The following ERAP1 variants were observed in gnomAD, a reference collection of about 807,000 sequenced individuals.
ERAP1 encodes endoplasmic reticulum aminopeptidase 1.
A neutral mutation model predicts 103.7 loss-of-function variants in ERAP1; 86 were observed. That is an observed-to-expected ratio of 0.83 (90% CI 0.70 to 0.99). The LOEUF (loss-of-function observed/expected upper bound fraction) is 0.99. ERAP1 is among the 50% of genes least tolerant of loss of function. The pLI, the probability that ERAP1 is intolerant of heterozygous loss-of-function variation, is 0.00. For missense variants in ERAP1, 1,009 were observed against 1,128.4 expected (o/e 0.89, Z 1.52); for synonymous variants, 398 against 402.4 (o/e 0.99, Z 0.13).
the ERAP1 span, chr5:96,915,645 C>A: frequency 1.7e-6 from 2 of 1,178,146 alleles, no homozygotes; most frequent in Non-Finnish European, 2.4e-6. Flanking sequence ...AACATAAGGT[C>A]AGTATTTCTA....
At chr5:96,798,228 G>A (rs1232972070) in intron 3 of ERAP1, among the ~76,000 whole-genome samples, 2 of 149,552 alleles carry the variant, frequency 1.3e-5, no homozygotes, top group East Asian at 3.9e-4. Flanking sequence ...GGGAGGCTGA[G>A]GCAGGAGAAT....
chr5:96,926,555 T>C, the ERAP1 span, among the ~76,000 whole-genome samples: 2 of 152,214 alleles, frequency 1.3e-5, no homozygotes, highest in African/African-American at 4.8e-5. Context: ...AATGGAATGA[T>C]ACAATACATT....
chr5:96,900,937 T>A, the ERAP1 span, among the ~76,000 whole-genome samples: 3 of 152,256 alleles, frequency 2.0e-5, no homozygotes, highest in East Asian at 5.8e-4. Context: ...AATGCTGGGA[T>A]TACAGGCATG....
chr5:96,888,674 T>G, the ERAP1 span, among the ~76,000 whole-genome samples: 1 of 152,360 alleles, frequency 6.6e-6, no homozygotes, highest in Non-Finnish European at 1.5e-5. Flanking sequence ...TTTTTTCTAC[T>G]TGATAGCTAA....
chr5:96,781,599 A>G, intron 16 of ERAP1, 94 bp downstream of exon 16: 2 of 1,528,966 alleles, frequency 1.3e-6, no homozygotes. Flanking sequence ...AGGATAGGCA[A>G]TTCCTGGCCA....
the ERAP1 span, chr5:96,934,083 T>A: frequency 6.6e-6 from 1 of 152,352 alleles, no homozygotes; most frequent in Non-Finnish European, 1.5e-5. Flanking sequence ...CACTATGTCC[T>A]TCACTTATTC....
chr5:96,783,455 C>CTATCT (rs11429353), intron 14 of ERAP1, among the ~76,000 whole-genome samples: 7 of 152,254 alleles, frequency 4.6e-5, no homozygotes, highest in Admixed American at 3.9e-4. Flanking sequence ...ATAAGATATC[C>CTATCT]ATCTACTTAA....
At chr5:96,846,315 C>T in the ERAP1 span, among the ~76,000 whole-genome samples, 5,760 of 152,174 alleles carry the variant, frequency 0.038, 207 homozygotes, top group East Asian at 0.12. Context: ...GGTCTATTTA[C>T]TCTTTCATTC....
the ERAP1 span, among the ~76,000 whole-genome samples, chr5:96,817,332 A>T: frequency 6.6e-6 from 1 of 152,178 alleles, no homozygotes; most frequent in Non-Finnish European, 1.5e-5. Flanking sequence ...GGTCTAACTA[A>T]CCAAGCATCA....
At chr5:96,762,441 C>T (rs894801690) in exon 20 of ERAP1, 14 of 1,155,730 alleles carry the variant, frequency 1.2e-5, no homozygotes, top group Non-Finnish European at 1.5e-5. Context: ...AAATAGGGCG[C>T]CTGTTTAAAG....
chr5:96,909,840 G>T, the ERAP1 span: 1 of 1,435,322 alleles, frequency 7.0e-7, no homozygotes, highest in South Asian at 1.3e-5. Context: ...AAGACATTAG[G>T]TCTAAAACCT....
the ERAP1 span, among the ~76,000 whole-genome samples, chr5:96,892,814 A>ATATC: frequency 2.0e-5 from 3 of 152,106 alleles, no homozygotes; most frequent in Non-Finnish European, 2.9e-5. Context: ...ATCCCCTGGT[A>ATATC]CTCTGGCATT....
chr5:96,851,627 C>T, the ERAP1 span, among the ~76,000 whole-genome samples: 44 of 152,280 alleles, frequency 2.9e-4, no homozygotes, highest in African/African-American at 7.0e-4. Flanking sequence ...AACCCTCACA[C>T]AAACACTGGT....
At chr5:96,860,948 A>G in the ERAP1 span, among the ~76,000 whole-genome samples, 1 of 151,636 alleles carries the variant, frequency 6.6e-6, no homozygotes, top group East Asian at 1.9e-4. Context: ...CTTCATGTAG[A>G]GCTTTCTTTT....
the ERAP1 span, chr5:96,909,892 C>A: frequency 1.1e-6 from 1 of 890,436 alleles, no homozygotes; most frequent in Non-Finnish European, 1.7e-6. Context: ...GCATTACAAA[C>A]CCTGTTTCAT....
chr5:96,912,858 A>C, the ERAP1 span: 1 of 1,417,420 alleles, frequency 7.1e-7, no homozygotes, highest in Non-Finnish European at 9.6e-7. Flanking sequence ...CAGTGAAGTC[A>C]CTAAAACTTC....
chr5:96,799,967 T>C (rs1474659445), intron 3 of ERAP1, among the ~76,000 whole-genome samples: 2 of 152,176 alleles, frequency 1.3e-5, no homozygotes, highest in Non-Finnish European at 2.9e-5. Context: ...AGCACCACAC[T>C]AGAGGTTGGT....
chr5:96,832,647 AT>A, the ERAP1 span, among the ~76,000 whole-genome samples: 1 of 152,212 alleles, frequency 6.6e-6, no homozygotes, highest in Admixed American at 6.5e-5. Context: ...CCTTGAAAAT[AT>A]TTAATCATCT....
chr5:96,840,229 T>C, the ERAP1 span, among the ~76,000 whole-genome samples: 1 of 152,228 alleles, frequency 6.6e-6, no homozygotes, highest in Non-Finnish European at 1.5e-5. Flanking sequence ...AAGATTTATA[T>C]ATCGGGACTG....
Sources: gnomAD v4.1 joint callset for allele counts (sites outside exome capture counted in the v4.1 genomes callset) on GRCh38, gnomAD v4.1.1 for gene constraint, MANE v1.5 for transcripts, NCBI Gene and HGNC (gene_info 2026-07-23, HGNC 2026-07-21) for gene names.